The following MYCBP2 variants were observed in gnomAD, a reference collection of about 807,000 sequenced individuals.
The protein encoded by MYCBP2 is MYC binding protein 2.
In MYCBP2, 120 loss-of-function variants were observed where a neutral mutation model predicts 525.3. The observed-to-expected ratio is 0.23, with a 90% confidence interval of 0.20 to 0.27. MYCBP2 has a LOEUF of 0.27. MYCBP2 is among the 10% of genes least tolerant of loss of function. The pLI, the probability that MYCBP2 is intolerant of heterozygous loss-of-function variation, is 1.00. For synonymous variants in MYCBP2, 1,894 were observed against 1,955.8 expected (o/e 0.97, Z 0.83); for missense variants, 4,149 against 5,657.1 (o/e 0.73, Z 8.55).
At chr13:77,289,650 A>G (rs542731377) in intron 2 of MYCBP2, among the ~76,000 whole-genome samples, 75 of 152,178 alleles carry the variant, frequency 4.9e-4, no homozygotes, top group South Asian at 1.2e-3. Flanking sequence ...AAATTGGTCT[A>G]CTCTCAGCAA....
intron 61 of MYCBP2, among the ~76,000 whole-genome samples, chr13:77,087,958 T>A (rs2044647659): frequency 6.6e-6 from 1 of 151,558 alleles, no homozygotes; most frequent in Non-Finnish European, 1.5e-5. Flanking sequence ...TTTTAAAACT[T>A]TTTTTTTGTA....
In MYCBP2 at chr13:77,047,245, T is replaced by A. The variant is rs896452918; in HGVS notation, c.13922-1752A>T. 6.6e-5 allele frequency among the ~76,000 whole-genome samples: 10 copies of A among 152,112 alleles called. 1 individual carries two copies. Among genetic ancestry groups the A allele is most frequent in the Admixed American group, 6.5e-4 (10 of 15,272 alleles). ...TATCAGCTACTTAACCATTTAACAG[T>A]CATAGGAGGCAGAAACGATTATCCT... is the stretch of plus-strand genomic sequence containing the variant. On this transcript the variant is annotated intron_variant, in intron 82 of 82. Transcript: ENST00000544440.
intron 5 of MYCBP2, 140 bp downstream of exon 5, chr13:77,273,332 T>C (rs1483524745): frequency 3.5e-6 from 2 of 568,600 alleles, no homozygotes; most frequent in African/African-American, 3.8e-5. Context: ...TGAAATACTG[T>C]AGATTATTTA....
At chr13:77,085,603 G>A (rs1005028971) in intron 62 of MYCBP2, among the ~76,000 whole-genome samples, 9 of 152,218 alleles carry the variant, frequency 5.9e-5, no homozygotes, top group Middle Eastern at 3.4e-3. Context: ...GAATTTGACC[G>A]GCCTTGTGAA....
intron 15 of MYCBP2, among the ~76,000 whole-genome samples, chr13:77,248,044 T>C (rs2070368793): frequency 6.6e-6 from 1 of 150,952 alleles, no homozygotes; most frequent in Admixed American, 6.6e-5. Context: ...TAATGTTAAA[T>C]AACGAGTTAA....
At chr13:77,324,144 CAA>C (rs2082019787) in intron 1 of MYCBP2, among the ~76,000 whole-genome samples, 1 of 152,326 alleles carries the variant, frequency 6.6e-6, no homozygotes, top group East Asian at 1.9e-4. Flanking sequence ...ACCACTTCCT[CAA>C]AAGTTATCAA....
Position 77,261,314 on chromosome 13 carries a change from T to C in MYCBP2, c.1709A>G (p.Lys570Arg), listed in dbSNP as rs1192876250. The C allele has an allele frequency of 1.2e-6, 2 of 1,613,470 alleles. No homozygotes were observed. The highest frequency in any genetic ancestry group is 1.7e-6 in the Non-Finnish European group (2 of 1,179,720). Residue 570 changes from lysine (K) to arginine (R), a missense_variant, in exon 12 of 83, where the codon AAA becomes AGA. This residue lies in a region of MYCBP2 where 262 missense variants were observed against 419.3 expected (regional missense o/e 0.62). Transcript: ENST00000544440. ...GIKQGGPSAG[K>R]WVELPITKSP... ...TTTTGTAATTGGTAGCTCAACCCAT[T>C]TTCCTGCTGAAGGACCACCTTGTTT... is the stretch of plus-strand genomic sequence containing the variant.
chr13:77,089,622 A>T (rs1272905882), intron 60 of MYCBP2, among the ~76,000 whole-genome samples: 1 of 150,432 alleles, frequency 6.6e-6, no homozygotes, highest in African/African-American at 2.4e-5. Flanking sequence ...GGCTGTTGAT[A>T]CCAACTGGTC....
At position 77,045,449 on chromosome 13, in the gene MYCBP2, C is replaced by T. The variant is rs1392101015; in HGVS notation, c.13966G>A (p.Val4656Ile). The T allele has an allele frequency of 1.9e-6, 3 of 1,614,116 alleles. No individual in the cohort carries two copies. In the South Asian group the frequency reaches 3.3e-5, roughly 18 times the overall value. Residue 4656 changes from valine to isoleucine, a missense_variant, in exon 83 of 83, where the codon GTT (valine) becomes ATT (isoleucine). Val to Ile is a conservative substitution (Grantham distance 29, BLOSUM62 3). Coordinates refer to ENST00000544440, the MANE Select transcript of MYCBP2 (RefSeq NM_015057.5). ...QLEGTECPLH[V>I]VHPPTGEEFA... is the part of the protein sequence containing the mutation. ...TCTTCCCCAGTGGGTGGATGAACAACATGGAGTGGACATTCAGTTCCTTCT... is the reference window on the plus strand; with the variant it reads ...TCTTCCCCAGTGGGTGGATGAACAATATGGAGTGGACATTCAGTTCCTTCT...
chr13:77,137,539 G>A (rs1319725853), intron 52 of MYCBP2, among the ~76,000 whole-genome samples: 1 of 152,096 alleles, frequency 6.6e-6, no homozygotes, highest in Non-Finnish European at 1.5e-5. Flanking sequence ...GATCGCTTGA[G>A]CTCAGGAGTT....
chr13:77,193,917 T>A (rs1365901824), intron 27 of MYCBP2, among the ~76,000 whole-genome samples: 1 of 152,176 alleles, frequency 6.6e-6, no homozygotes, highest in Admixed American at 6.5e-5. Context: ...ATATTTCCAT[T>A]TTTATCTTCA....
At chr13:77,233,649 T>G (rs2067454906) in intron 17 of MYCBP2, among the ~76,000 whole-genome samples, 1 of 152,072 alleles carries the variant, frequency 6.6e-6, no homozygotes, top group Non-Finnish European at 1.5e-5. Context: ...GACAGATATC[T>G]TTTCCATTGA....
At position 77,098,971 on chromosome 13, in the gene MYCBP2, G is replaced by A. The variant is rs1283043842; in HGVS notation, c.8183C>T (p.Thr2728Ile). The A allele has an allele frequency of 1.2e-6, 2 of 1,611,396 alleles. No homozygotes were observed. The highest frequency in any genetic ancestry group is 2.2e-5 in the South Asian group (2 of 91,054). Residue 2728 changes from threonine (T) to isoleucine (I), a missense_variant, in exon 56 of 83, where the codon ACA becomes ATA. By Grantham distance (89) the Thr-to-Ile change is moderately conservative. Transcript: ENST00000544440. ...AGAGGACAGCTCTGATTTTCCTGAT[G>A]TAGAGGCTGGTTTAGAAGATGTTGA... is the stretch of plus-strand genomic sequence containing the variant. ...NISTSSKPAS[T>I]SGKSELSSKH...
chr13:77,320,314 C>G (rs561108690), intron 1 of MYCBP2, among the ~76,000 whole-genome samples: 3 of 152,226 alleles, frequency 2.0e-5, no homozygotes, highest in South Asian at 4.1e-4. Context: ...AGCCTAACCA[C>G]AGCACCTGCC....
intron 76 of MYCBP2, among the ~76,000 whole-genome samples, chr13:77,060,318 G>GA (rs2154070977): frequency 6.6e-6 from 1 of 152,290 alleles, no homozygotes; most frequent in East Asian, 1.9e-4. Flanking sequence ...GGTTTACAAG[G>GA]ATGGTTTGAC....
intron 1 of MYCBP2, among the ~76,000 whole-genome samples, chr13:77,308,417 G>A (rs2079733443): frequency 6.6e-6 from 1 of 152,078 alleles, no homozygotes; most frequent in Non-Finnish European, 1.5e-5. Context: ...AATGACTTGG[G>A]TTCAAATACA....
intron 44 of MYCBP2, among the ~76,000 whole-genome samples, chr13:77,160,606 A>T (rs1040854220): frequency 6.6e-6 from 1 of 152,210 alleles, no homozygotes; most frequent in African/African-American, 2.4e-5. Flanking sequence ...GTAAGATGCA[A>T]GACCTAATAC....
intron 18 of MYCBP2, among the ~76,000 whole-genome samples, chr13:77,226,484 G>C (rs1487292049): frequency 6.6e-6 from 1 of 152,070 alleles, no homozygotes; most frequent in East Asian, 1.9e-4. Context: ...CTTGTACACA[G>C]AATAAATGTA....
intron 4 of MYCBP2, among the ~76,000 whole-genome samples, chr13:77,274,324 C>T (rs145194377): frequency 1.6e-4 from 24 of 152,314 alleles, no homozygotes; most frequent in African/African-American, 5.1e-4. Context: ...GAGGTCTCTG[C>T]ACAAAATTCC....
Sources: allele counts gnomAD v4.1 joint callset (sites outside exome capture counted in the v4.1 genomes callset), GRCh38; gene constraint gnomAD v4.1.1; regional missense constraint gnomAD v4.1.1; transcripts MANE v1.5; gene names NCBI Gene and HGNC (gene_info 2026-07-23, HGNC 2026-07-21).